The following MTCL1 variants were observed in gnomAD, a reference collection of about 807,000 sequenced individuals.
The protein encoded by MTCL1 is microtubule cross-linking factor 1.
In MTCL1, 79 loss-of-function variants were observed where a neutral mutation model predicts 141.4. The ratio of observed to expected loss-of-function variants is 0.56; its 90% confidence interval spans 0.47 to 0.67. MTCL1 has a LOEUF of 0.67. Among genes scored for constraint, MTCL1 ranks in the 30% least tolerant of loss-of-function variants. MTCL1 has a pLI of 0.00. For synonymous variants in MTCL1, 914 were observed against 875.8 expected, an observed-to-expected ratio of 1.04 and a Z score of -0.77; for missense variants, 2,177 against 2,113.9, an observed-to-expected ratio of 1.03 and a Z score of -0.59.
intron 4 of MTCL1, among the ~76,000 whole-genome samples, chr18:8,756,489 A>ATCTGTG (rs2096401337): frequency 7.0e-6 from 1 of 143,006 alleles, no homozygotes; most frequent in African/African-American, 3.0e-5. Flanking sequence ...ATGTGTGTAT[A>ATCTGTG]TATGTATATA....
At chr18:8,735,599 A>G (rs2096271096) in intron 4 of MTCL1, among the ~76,000 whole-genome samples, 1 of 152,146 alleles carries the variant, frequency 6.6e-6, no homozygotes, top group Non-Finnish European at 1.5e-5. Flanking sequence ...CAGCCTGGGC[A>G]GGCTTACTCT....
At chr18:8,706,883 GA>G (rs1224597528) in intron 1 of MTCL1, among the ~76,000 whole-genome samples, 170 bp downstream of exon 1, 1 of 152,232 alleles carries the variant, frequency 6.6e-6, no homozygotes, top group Non-Finnish European at 1.5e-5. Flanking sequence ...CAAACTTCTG[GA>G]AGGAGAAGCA....
At chr18:8,761,028 G>A (rs2096429595) in intron 4 of MTCL1, among the ~76,000 whole-genome samples, 1 of 152,086 alleles carries the variant, frequency 6.6e-6, no homozygotes, top group South Asian at 2.1e-4. Flanking sequence ...AAAAAGTAAG[G>A]TCTTTGGAGA....
chr18:8,733,888 CAT>C (rs1408466608), intron 4 of MTCL1, among the ~76,000 whole-genome samples: 1 of 152,140 alleles, frequency 6.6e-6, no homozygotes. Context: ...CAAGGGTTCT[CAT>C]GTGTAGGAAT....
chr18:8,735,965 G>T (rs1387193670), intron 4 of MTCL1, among the ~76,000 whole-genome samples: 1 of 152,130 alleles, frequency 6.6e-6, no homozygotes. Context: ...GGGAAATTCA[G>T]CAGTATTTGT....
intron 4 of MTCL1, among the ~76,000 whole-genome samples, chr18:8,770,236 T>C (rs998042932): frequency 6.6e-6 from 1 of 152,216 alleles, no homozygotes; most frequent in African/African-American, 2.4e-5. Context: ...TGTGTTTTAG[T>C]TTTCTTGTCT....
chr18:8,813,985 T>C (rs1448157642), intron 12 of MTCL1, among the ~76,000 whole-genome samples: 1 of 152,228 alleles, frequency 6.6e-6, no homozygotes, highest in Non-Finnish European at 1.5e-5. Context: ...ACATAGTATA[T>C]ATTTTGTTTA....
chr18:8,718,267 A>G (rs866207423), intron 2 of MTCL1, among the ~76,000 whole-genome samples, 157 bp from the exon 2 acceptor site: 9 of 152,186 alleles, frequency 5.9e-5, no homozygotes, highest in African/African-American at 2.2e-4. Context: ...GCAAATTTCC[A>G]GAGGTTCTGG....
chr18:8,731,577 GA>G (rs1288007837), intron 4 of MTCL1, among the ~76,000 whole-genome samples: 1 of 151,502 alleles, frequency 6.6e-6, no homozygotes, highest in Non-Finnish European at 1.5e-5. Context: ...TTCGTCTCAA[GA>G]AAAAAAATAA....
rs748658743 is a variant in MTCL1 at position 8,825,193 on chromosome 18, GA to G, written c.3684del (p.Gly1229AlafsTer52). 7.6e-6 allele frequency: 12 copies of G among 1,584,506 alleles called. No individual in the cohort carries two copies. Among genetic ancestry groups the G allele is most frequent in the South Asian group, 1.2e-5 (1 of 85,840 alleles). On this transcript the variant is annotated frameshift_variant, in exon 15 of 17. Transcript: ENST00000359865. LOFTEE classifies it high-confidence loss of function. ...AGAGGGAGCCCGGGAGACACCAAGG[GA>G]GGCCCTCCAGAACCCATGCTCAGCA...
intron 4 of MTCL1, among the ~76,000 whole-genome samples, chr18:8,773,972 A>G (rs2096494906): frequency 6.6e-6 from 1 of 152,102 alleles, no homozygotes; most frequent in Non-Finnish European, 1.5e-5. Flanking sequence ...GTTCTTGGCA[A>G]TTTTCACCAA....
chr18:8,781,848 G>A (rs1032382033), intron 5 of MTCL1, among the ~76,000 whole-genome samples: 1 of 152,202 alleles, frequency 6.6e-6, no homozygotes, highest in African/African-American at 2.4e-5. Context: ...AGCAGGCCTG[G>A]TTTTGTCCTC....
Position 8,822,827 on chromosome 18 carries a change from C to T in MTCL1, c.3188+1329C>T, listed in dbSNP as rs1000530712. ...ACAGCAGCAGCCACATCAGTGTTTC[C>T]GGTTAGGCTTTGGAGCAACTGTACT... On this transcript the variant is annotated intron_variant, in intron 14 of 16. Coordinates refer to ENST00000359865, the Ensembl canonical transcript of MTCL1. The surrounding 1 kb of genome is among the most constrained non-coding windows in gnomAD (Gnocchi z 4.6). 8.5e-5 allele frequency among the ~76,000 whole-genome samples: 13 copies of T among 152,092 alleles called. No individual in the cohort carries two copies. Among genetic ancestry groups the T allele is most frequent in the African/African-American group, 2.2e-4 (9 of 41,412 alleles).
upstream of MTCL1, chr18:8,705,584 C>T (rs1182840702): frequency 2.6e-4 from 137 of 530,312 alleles, no homozygotes; most frequent in Non-Finnish European, 3.3e-4. This position sits in a 1 kb window ranked among gnomAD's most constrained non-coding sequence, Gnocchi z 5.2. Flanking sequence ...GGGGAGGCTG[C>T]ACGCCGCCGC....
At chr18:8,750,862 CA>C (rs1318872460) in intron 4 of MTCL1, among the ~76,000 whole-genome samples, 1 of 152,194 alleles carries the variant, frequency 6.6e-6, no homozygotes, top group Non-Finnish European at 1.5e-5. Flanking sequence ...CCGGGAGTCC[CA>C]AGCTGGTCCC....
chr18:8,826,013 A>G lies in MTCL1; in HGVS notation c.4503A>G (p.Ser1501=), dbSNP rs766968210. Residue 1501 remains serine, a synonymous_variant, in exon 15 of 17, where the codon TCA becomes TCG. Coordinates refer to ENST00000359865, the Ensembl canonical transcript of MTCL1. Reference sequence around the variant, plus strand: ...CGCCTAGCCCCATTGGGGTGGGGTCAGAGATGTGCAGGGAGGAAGGGGGAG... The same window carrying G: ...CGCCTAGCCCCATTGGGGTGGGGTCGGAGATGTGCAGGGAGGAAGGGGGAG... 3.1e-6 allele frequency: 5 copies of G among 1,608,780 alleles called. No homozygotes were observed. In the African/African-American group the frequency reaches 5.3e-5, roughly 17 times the overall value.
At chr18:8,744,379 CT>C (rs2148922525) in intron 4 of MTCL1, among the ~76,000 whole-genome samples, 1 of 152,316 alleles carries the variant, frequency 6.6e-6, no homozygotes, top group South Asian at 2.1e-4. Context: ...GTTATCAAAC[CT>C]TTTCAATTTT....
intron 10 of MTCL1, among the ~76,000 whole-genome samples, chr18:8,799,928 C>T (rs551340048): frequency 6.6e-6 from 1 of 152,320 alleles, no homozygotes; most frequent in Non-Finnish European, 1.5e-5. Flanking sequence ...CGATTACCCA[C>T]GAAAGTGGAG....
At chr18:8,712,994 CTT>C (rs200158970), upstream of MTCL1, among the ~76,000 whole-genome samples, 1,126 of 152,296 alleles carry the variant, frequency 7.4e-3, 17 homozygotes, top group African/African-American at 0.025. Flanking sequence ...GTTTTCATCA[CTT>C]ATACTAAGAA....
Sources: gnomAD v4.1 joint callset for allele counts (sites outside exome capture counted in the v4.1 genomes callset) on GRCh38, gnomAD v4.1.1 for gene constraint, Gnocchi (gnomAD v3.1) non-coding constraint, MANE v1.5 for transcripts, NCBI Gene and HGNC (gene_info 2026-07-23, HGNC 2026-07-21) for gene names.